EPHA3: variants seen among roughly 807,000 people sequenced by gnomAD.
EPHA3 encodes the protein EPH receptor A3, also known as ephrin type-A receptor 3.
A neutral mutation model predicts 107.1 loss-of-function variants in EPHA3; 42 were observed. The observed-to-expected ratio is 0.39, with a 90% CI of 0.31 to 0.51. The LOEUF is 0.51. Among genes scored for constraint, EPHA3 ranks in the 20% least tolerant of loss-of-function variants. The pLI, the probability that EPHA3 is intolerant of heterozygous loss-of-function variation, is 0.78. For synonymous variants in EPHA3, 461 were observed against 424.8 expected (o/e 1.09, Z -1.05); for missense variants, 1,183 against 1,211.2 (o/e 0.98, Z 0.35).
At chr3:89,205,237 C>A (rs75823773) in intron 2 of EPHA3, among the ~76,000 whole-genome samples, 2 of 152,036 alleles carry the variant, frequency 1.3e-5, no homozygotes, top group African/African-American at 2.4e-5. Context: ...AAAATGTTTT[C>A]TATGAAAGTA....
chr3:89,342,545 T>C (rs1218552418), intron 5 of EPHA3, among the ~76,000 whole-genome samples: 1 of 152,172 alleles, frequency 6.6e-6, no homozygotes, highest in Admixed American at 6.5e-5. Flanking sequence ...GTTATAAATC[T>C]CTGATTGCTT....
At chr3:89,170,112 G>T (rs1417734680) in intron 2 of EPHA3, among the ~76,000 whole-genome samples, 2 of 152,012 alleles carry the variant, frequency 1.3e-5, no homozygotes, top group Non-Finnish European at 2.9e-5. Context: ...TTAGCCGGGC[G>T]TGGTGGTGGG....
intron 1 of EPHA3, among the ~76,000 whole-genome samples, chr3:89,125,330 C>A (rs778048809): frequency 6.6e-6 from 1 of 151,700 alleles, no homozygotes; most frequent in Non-Finnish European, 1.5e-5. Flanking sequence ...TATCACACAA[C>A]TAACAACTGA....
At chr3:89,219,688 G>GTTTTTTTGTTTTTTTTTTT (rs1704308303) in intron 3 of EPHA3, among the ~76,000 whole-genome samples, 1 of 34,440 alleles carries the variant, frequency 2.9e-5, no homozygotes, top group Non-Finnish European at 5.2e-5. Flanking sequence ...ATTTGGCAAT[G>GTTTTTTTGTTTTTTTTTTT]TTTTTTTTTT....
chr3:89,227,366 C>A (rs544338633), intron 3 of EPHA3, among the ~76,000 whole-genome samples: 1 of 151,918 alleles, frequency 6.6e-6, no homozygotes, highest in Non-Finnish European at 1.5e-5. Context: ...GGGATGTAGT[C>A]CTGTTTAGAT....
At chr3:89,202,021 T>C (rs1705979247) in intron 2 of EPHA3, among the ~76,000 whole-genome samples, 1 of 152,184 alleles carries the variant, frequency 6.6e-6, no homozygotes, top group African/African-American at 2.4e-5. Context: ...TCCTTAATTT[T>C]CACTTACAGA....
intron 7 of EPHA3, chr3:89,399,842 A>AAAAAG: frequency 1.8e-6 from 2 of 1,087,704 alleles, no homozygotes; most frequent in Non-Finnish European, 2.2e-6. Flanking sequence ...ATGAACCACA[A>AAAAAG]AAAAGAAACT....
At chr3:89,293,648 G>A (rs1371163226) in intron 3 of EPHA3, among the ~76,000 whole-genome samples, 1 of 152,120 alleles carries the variant, frequency 6.6e-6, no homozygotes, top group Non-Finnish European at 1.5e-5. Context: ...AAGATCTGAT[G>A]ATTTAAAAGA....
chr3:89,291,351 G>C (rs13079158), intron 3 of EPHA3, among the ~76,000 whole-genome samples: 61 of 152,122 alleles, frequency 4.0e-4, no homozygotes, highest in Non-Finnish European at 7.8e-4. Context: ...GTATTATAGA[G>C]AAAAATGAGT....
At chr3:89,269,422 G>C (rs1705612125) in intron 3 of EPHA3, among the ~76,000 whole-genome samples, 1 of 151,876 alleles carries the variant, frequency 6.6e-6, no homozygotes, top group Non-Finnish European at 1.5e-5. Flanking sequence ...ACAGGGCATA[G>C]AGAATAGTTT....
chr3:89,470,080 A>G (rs1322079136), intron 15 of EPHA3, among the ~76,000 whole-genome samples: 1 of 150,930 alleles, frequency 6.6e-6, no homozygotes, highest in Non-Finnish European at 1.5e-5. Context: ...TTATATATAA[A>G]GTTTTAACAT....
intron 13 of EPHA3, among the ~76,000 whole-genome samples, chr3:89,444,356 G>A (rs546787944): frequency 6.1e-5 from 8 of 131,654 alleles, no homozygotes; most frequent in South Asian, 5.5e-4. Context: ...AATTTTGCTC[G>A]TTTGAAATTT....
At chr3:89,207,266 A>C (rs998040978) in intron 2 of EPHA3, among the ~76,000 whole-genome samples, 2 of 152,140 alleles carry the variant, frequency 1.3e-5, no homozygotes, top group Non-Finnish European at 2.9e-5. Context: ...TTTTGTGATT[A>C]GAAGGTGTGA....
At chr3:89,357,167 T>TAAAGA in intron 5 of EPHA3, among the ~76,000 whole-genome samples, 1 of 59,418 alleles carries the variant, frequency 1.7e-5, no homozygotes, top group East Asian at 4.7e-4. Context: ...CGGCAAAGAG[T>TAAAGA]AAAGAAAAGA....
intron 2 of EPHA3, among the ~76,000 whole-genome samples, chr3:89,178,107 G>T (rs767048951): frequency 7.9e-5 from 12 of 151,982 alleles, no homozygotes; most frequent in Non-Finnish European, 1.5e-4. Flanking sequence ...CTTCTTTGTG[G>T]ATAGTCTTAA....
chr3:89,123,813 A>G (rs1248038480), intron 1 of EPHA3, among the ~76,000 whole-genome samples: 1 of 152,224 alleles, frequency 6.6e-6, no homozygotes, highest in African/African-American at 2.4e-5. Flanking sequence ...AAAAGTTTAT[A>G]TATTCCACAT....
In EPHA3 at chr3:89,480,360, C is replaced by CTGT; in HGVS notation, c.*860_*862dup. 2 of 233,224 alleles carry CTGT rather than the reference C, an allele frequency of 8.6e-6. No individual in the cohort carries two copies. The highest frequency in any genetic ancestry group is 1.7e-5 in the Non-Finnish European group (2 of 117,812). 14.4% of individuals were successfully genotyped at this position (233,224 alleles called of 1,614,324 possible). A position where few individuals can be genotyped will look rare whatever the true frequency, so the allele number is the denominator to read the frequency against. On this transcript the variant is annotated 3_prime_UTR_variant, in exon 17 of 17. Transcript: ENST00000336596. ...CATACACTAACCAAATCTCTCAAAT[C>CTGT]TGTTATCCCAATCATTGTTGCCTCT... is the stretch of plus-strand genomic sequence containing the variant.
At chr3:89,201,592 A>C (rs1705969799) in intron 2 of EPHA3, among the ~76,000 whole-genome samples, 1 of 152,110 alleles carries the variant, frequency 6.6e-6, no homozygotes, top group South Asian at 2.1e-4. Context: ...GTAACCCACT[A>C]CCCATTCTGA....
In EPHA3 at chr3:89,450,206, A is replaced by T. The variant is rs1247248984; in HGVS notation, c.2526A>T (p.Arg842=). 1 of 1,608,456 alleles carries T rather than the reference A, an allele frequency of 6.2e-7. No individual in the cohort carries two copies. The highest frequency in any genetic ancestry group is 8.5e-7 in the Non-Finnish European group (1 of 1,177,394). Residue 842 remains arginine (R), a synonymous_variant, in exon 15 of 17, where the codon CGA becomes CGT. Transcript: ENST00000336596. Reference sequence around the variant, plus strand: ...TTAAAGCTGTAGATGAGGGCTATCGACTGCCACCCCCCATGGACTGCCCAG... The same window carrying T: ...TTAAAGCTGTAGATGAGGGCTATCGTCTGCCACCCCCCATGGACTGCCCAG... ...DVIKAVDEGY[R]LPPPMDCPAA...
Sources: gnomAD v4.1 joint callset for allele counts (sites outside exome capture counted in the v4.1 genomes callset) on GRCh38, gnomAD v4.1.1 for gene constraint, MANE v1.5 for transcripts, NCBI Gene and HGNC (gene_info 2026-07-23, HGNC 2026-07-21) for gene names.